POLK: variants seen among roughly 807,000 people sequenced by gnomAD.
The protein encoded by POLK is DNA polymerase kappa.
In POLK, 76 loss-of-function variants were observed where a neutral mutation model predicts 94.0. The observed-to-expected ratio is 0.81, with a 90% CI of 0.67 to 0.98. The LOEUF is 0.98. Among genes scored for constraint, POLK ranks in the 50% least tolerant of loss-of-function variants. The pLI is 0.00. For missense variants in POLK, 954 were observed against 1,010.1 expected (o/e 0.94, Z 0.75); for synonymous variants, 349 against 325.4 (o/e 1.07, Z -0.78).
chr5:75,511,149 G>C (rs1357134461), upstream of POLK: 6 of 1,609,540 alleles, frequency 3.7e-6, no homozygotes, highest in African/African-American at 5.3e-5. Flanking sequence ...AGGCGGCCCA[G>C]ACTCCGTCTC....
chr5:75,584,770 T>A, exon 9 of POLK: 1 of 1,529,792 alleles, frequency 6.5e-7, no homozygotes, highest in Non-Finnish European at 8.9e-7. Flanking sequence ...GTTTCTGGAA[T>A]AGGAAAAGTT....
the POLK span, among the ~76,000 whole-genome samples, chr5:75,607,552 T>A: frequency 5.6e-3 from 848 of 151,964 alleles, 4 homozygotes; most frequent in African/African-American, 0.019. Flanking sequence ...TCTGTTTGCC[T>A]CTTCTTTCTA....
chr5:75,605,438 G>A (rs1296341128), downstream of POLK, among the ~76,000 whole-genome samples: 2 of 152,128 alleles, frequency 1.3e-5, no homozygotes, highest in Non-Finnish European at 2.9e-5. Context: ...GGAAAAAAAA[G>A]TTGGGTCACT....
At chr5:75,593,707 C>G (rs5744703) in intron 11 of POLK, among the ~76,000 whole-genome samples, 171 bp from the exon 12 acceptor site, 54,511 of 151,854 alleles carry the variant, frequency 0.36, 12,061 homozygotes, top group African/African-American at 0.63. Flanking sequence ...AGCTGGTGTA[C>G]TGGCACGCAC....
At chr5:75,569,281 T>G in intron 3 of POLK, 59 bp from the exon 4 acceptor site, 1 of 1,132,722 alleles carries the variant, frequency 8.8e-7, no homozygotes, top group South Asian at 1.4e-5. Flanking sequence ...AATGTTGTGG[T>G]TAATGGTGTT....
chr5:75,552,618 G>A (rs898943477), intron 3 of POLK, 27 bp downstream of exon 3: 2 of 1,575,578 alleles, frequency 1.3e-6, no homozygotes, highest in African/African-American at 1.4e-5. Flanking sequence ...TAAATAAAGT[G>A]GAAGCTGGTA....
intron 13 of POLK, 151 bp downstream of exon 13, chr5:75,597,329 G>C: frequency 1.7e-6 from 1 of 591,506 alleles, no homozygotes; most frequent in Admixed American, 3.0e-5. Flanking sequence ...ATTGCCATAG[G>C]TTAGAATTAA....
chr5:75,526,141 A>G (rs1390598787), intron 1 of POLK, among the ~76,000 whole-genome samples: 1 of 152,076 alleles, frequency 6.6e-6, no homozygotes, highest in African/African-American at 2.4e-5. Flanking sequence ...AGAATTTCGT[A>G]TTTTATATTT....
At chr5:75,587,905 G>A (rs978035844) in intron 10 of POLK, among the ~76,000 whole-genome samples, 4 of 152,110 alleles carry the variant, frequency 2.6e-5, no homozygotes, top group Admixed American at 2.0e-4. Context: ...AGGTGACAGA[G>A]TGAGACTCTG....
At position 75,595,935 on chromosome 5, in the gene POLK, G is replaced by A. The variant is rs149556097; in HGVS notation, c.1529-287G>A. ...TAGAAAAAAAAGAGCTAAAGAGTCT[G>A]TATAGTTGACTCCAGTTAGTTACTG... is the stretch of plus-strand genomic sequence containing the variant. On this transcript the variant is annotated intron_variant, in intron 12 of 14. Coordinates refer to ENST00000241436, the Ensembl canonical transcript of POLK. Among the ~76,000 whole-genome samples, 13 of 152,282 alleles carry A rather than the reference G, an allele frequency of 8.5e-5. 2 individuals are homozygous for A. The highest frequency in any genetic ancestry group is 3.1e-4 in the African/African-American group (13 of 41,552).
chr5:75,532,547 G>T (rs1233358502), intron 1 of POLK, among the ~76,000 whole-genome samples: 2 of 152,040 alleles, frequency 1.3e-5, no homozygotes, highest in African/African-American at 4.8e-5. Context: ...CAATGAACAA[G>T]CACATGCATG....
intron 1 of POLK, chr5:75,538,618 C>T (rs1015998343): frequency 1.3e-5 from 2 of 151,928 alleles, no homozygotes; most frequent in East Asian, 1.9e-4. Context: ...TGGTGAAGAC[C>T]GGAAAACCTG....
In POLK at chr5:75,545,898, T is replaced by C. The variant is rs1223335424; in HGVS notation, c.-13-1112T>C. Among the ~76,000 whole-genome samples, 10 of 152,224 alleles carry C rather than the reference T, an allele frequency of 6.6e-5. No homozygotes were observed. The East Asian group carries it at 1.9e-3, about 29-fold the overall frequency. On this transcript the variant is annotated intron_variant, in intron 1 of 14. Transcript: ENST00000241436. ...GTTCTAAGAGTCAGGTTTGTTATCT[T>C]TTTGTATGGCGAATAATATCTATCT...
intron 1 of POLK, among the ~76,000 whole-genome samples, chr5:75,541,374 T>A (rs1769733653): frequency 6.6e-6 from 1 of 152,146 alleles, no homozygotes; most frequent in Non-Finnish European, 1.5e-5. Context: ...GTAGGTAATA[T>A]GTTTATATCA....
At chr5:75,526,090 G>A (rs992605746) in intron 1 of POLK, among the ~76,000 whole-genome samples, 1 of 152,080 alleles carries the variant, frequency 6.6e-6, no homozygotes, top group Non-Finnish European at 1.5e-5. Context: ...ATTTATATAT[G>A]CATGTTTTTA....
At chr5:75,558,991 G>A (rs1022271472) in intron 3 of POLK, among the ~76,000 whole-genome samples, 1 of 152,120 alleles carries the variant, frequency 6.6e-6, no homozygotes, top group Non-Finnish European at 1.5e-5. Context: ...AGTTTTGGTT[G>A]ACTATTTCAT....
At chr5:75,592,812 G>A (rs1201968262) in intron 11 of POLK, among the ~76,000 whole-genome samples, 2 of 152,136 alleles carry the variant, frequency 1.3e-5, no homozygotes, top group African/African-American at 2.4e-5. Flanking sequence ...CCAGCACATT[G>A]GGAAGCTGAG....
chr5:75,594,836 A>G (rs1187786154), intron 12 of POLK, among the ~76,000 whole-genome samples: 1 of 152,256 alleles, frequency 6.6e-6, no homozygotes, highest in Non-Finnish European at 1.5e-5. Context: ...GTACTGGTTG[A>G]AAGTATATAT....
chr5:75,526,299 T>C (rs147772893), intron 1 of POLK, among the ~76,000 whole-genome samples: 116 of 152,228 alleles, frequency 7.6e-4, no homozygotes, highest in African/African-American at 2.7e-3. Context: ...TTACTACTGC[T>C]TTGACTTCAG....
Sources: allele counts gnomAD v4.1 joint callset (sites outside exome capture counted in the v4.1 genomes callset), GRCh38; gene constraint gnomAD v4.1.1; transcripts MANE v1.5; gene names NCBI Gene and HGNC (gene_info 2026-07-23, HGNC 2026-07-21).